The following FBN2 variants were observed in gnomAD, a reference collection of about 807,000 sequenced individuals.
FBN2 encodes fibrillin-2.
FBN2 carries 105 observed loss-of-function variants against 355.6 expected under a neutral mutation model. That is an observed-to-expected ratio of 0.30 (90% CI 0.25 to 0.35). FBN2 has a LOEUF of 0.35. FBN2 is among the 10% of genes least tolerant of loss of function. The pLI is 1.00. For missense variants in FBN2, 3,280 were observed against 3,758.7 expected, an observed-to-expected ratio of 0.87 and a Z score of 3.33; for synonymous variants, 1,350 against 1,301.2, an observed-to-expected ratio of 1.04 and a Z score of -0.81.
intron 8 of FBN2, among the ~76,000 whole-genome samples, chr5:128,396,152 TG>T (rs1411598493): frequency 2.0e-5 from 3 of 151,962 alleles, no homozygotes; most frequent in Non-Finnish European, 4.4e-5. Context: ...CTTGCTTGGG[TG>T]TGGGGTATGG....
intron 15 of FBN2, among the ~76,000 whole-genome samples, chr5:128,373,304 G>A (rs1751995433): frequency 6.6e-6 from 1 of 152,162 alleles, no homozygotes; most frequent in Non-Finnish European, 1.5e-5. Flanking sequence ...TAAAGCAACT[G>A]AAAATATTTT....
At chr5:128,389,667 C>T (rs368945264) in intron 11 of FBN2, among the ~76,000 whole-genome samples, 2 of 152,176 alleles carry the variant, frequency 1.3e-5, no homozygotes, top group South Asian at 4.1e-4. Flanking sequence ...CCTGTCCCTG[C>T]CCCCTATCCA....
chr5:128,287,457 G>A (rs1158271345), intron 53 of FBN2, 27 bp from the exon 54 acceptor site: 4 of 1,612,808 alleles, frequency 2.5e-6, no homozygotes, highest in Non-Finnish European at 3.4e-6. Flanking sequence ...ACAGGAATGT[G>A]CTCAGCCTAG....
intron 5 of FBN2, among the ~76,000 whole-genome samples, chr5:128,494,005 G>A (rs986467685): frequency 1.6e-5 from 2 of 124,238 alleles, no homozygotes; most frequent in East Asian, 2.0e-4. Context: ...AGGTTTCTGC[G>A]AGACAGAGAG....
At chr5:128,260,442 T>C (rs2126792626) in intron 64 of FBN2, among the ~76,000 whole-genome samples, 1 of 152,338 alleles carries the variant, frequency 6.6e-6, no homozygotes, top group Non-Finnish European at 1.5e-5. Flanking sequence ...GTCTGACTTT[T>C]GCTCAGAGGG....
intron 6 of FBN2, among the ~76,000 whole-genome samples, chr5:128,456,083 G>A (rs1236882291): frequency 1.4e-5 from 2 of 140,198 alleles, no homozygotes; most frequent in Non-Finnish European, 3.0e-5. Flanking sequence ...CATTTCTATA[G>A]CTCCCGGCTG....
chr5:128,305,673 T>A (rs1490866483), intron 43 of FBN2, 37 bp from the exon 44 acceptor site: 3 of 1,612,166 alleles, frequency 1.9e-6, no homozygotes, highest in Non-Finnish European at 2.5e-6. Flanking sequence ...AGAGTCCTTT[T>A]TAGTATTGTA....
intron 7 of FBN2, among the ~76,000 whole-genome samples, chr5:128,433,698 T>C (rs548067386): frequency 5.3e-5 from 8 of 152,302 alleles, no homozygotes; most frequent in Non-Finnish European, 7.4e-5. Context: ...AGCTGTTGGT[T>C]AATAATGCCC....
At position 128,318,219 on chromosome 5, in the gene FBN2, G is replaced by A. The variant is rs146662880; in HGVS notation, c.4647C>T (p.Asn1549=). The A allele has an allele frequency of 8.6e-4, 1,394 of 1,613,980 alleles. 2 individuals carry two copies. Among genetic ancestry groups the A allele is most frequent in the Non-Finnish European group, 9.1e-4 (1,071 of 1,179,866 alleles). Residue 1549 remains asparagine (N), a synonymous_variant, in exon 36 of 65, where the codon AAC becomes AAT. Coordinates refer to ENST00000262464, the MANE Select transcript of FBN2 (RefSeq NM_001999.4). ...PINCVNGLCV[N]TPGRYECNCP... is the part of the protein sequence containing the mutation. ...AGTTACACTCATAGCGACCAGGCGTGTTGACACATAGGCCATTGACACAGT... is the reference window on the plus strand; with the variant it reads ...AGTTACACTCATAGCGACCAGGCGTATTGACACATAGGCCATTGACACAGT...
intron 58 of FBN2, 91 bp downstream of exon 58, chr5:128,277,789 A>C: frequency 7.4e-7 from 1 of 1,359,206 alleles, no homozygotes; most frequent in Non-Finnish European, 1.1e-6. Context: ...AAAGCTCCAT[A>C]ATAAAGACAC....
intron 5 of FBN2, among the ~76,000 whole-genome samples, chr5:128,466,180 T>A (rs879431320): frequency 4.6e-5 from 7 of 152,244 alleles, no homozygotes; most frequent in Non-Finnish European, 7.3e-5. Flanking sequence ...GATTCACCAA[T>A]TCAATTATTC....
Position 128,536,431 on chromosome 5 carries a change from G to C in FBN2, c.308C>G (p.Thr103Arg). 6.2e-7 allele frequency: 1 copy of C among 1,614,056 alleles called. No individual in the cohort carries two copies. The highest frequency in any genetic ancestry group is 8.5e-7 in the Non-Finnish European group (1 of 1,179,978). The change falls in exon 2 of 65, where the codon ACG becomes AGG. Residue 103 changes from threonine to arginine, a missense_variant. Transcript: ENST00000262464. ...AATGCACTGGTTTCCTCCAGGGAGC[G>C]TCTTCCATCCAGGGCAGCAGTAGGA... ...FHSYCCPGWK[T>R]LPGGNQCIVP...
At chr5:128,503,190 A>C (rs888529863) in intron 5 of FBN2, among the ~76,000 whole-genome samples, 2 of 152,196 alleles carry the variant, frequency 1.3e-5, no homozygotes, top group Non-Finnish European at 2.9e-5. Flanking sequence ...GTAAGACATG[A>C]CTTTGATCCT....
rs140821039 is a variant in FBN2 at position 128,288,540 on chromosome 5, T to A, written c.6655A>T (p.Ile2219Phe). ...VRCVDTDECS[I>F]GNPCGNGTCT... ...GTACCATTTCCACACGGATTGCCGATTGAACACTCATCAGTATCTGAAAAA... is the reference window on the plus strand; with the variant it reads ...GTACCATTTCCACACGGATTGCCGAATGAACACTCATCAGTATCTGAAAAA... The change falls in exon 53 of 65, where the codon ATC becomes TTC. Residue 2219 changes from isoleucine (I) to phenylalanine (F), a missense_variant. Coordinates refer to ENST00000262464, the MANE Select transcript of FBN2 (RefSeq NM_001999.4). 6.2e-7 allele frequency: 1 copy of A among 1,613,786 alleles called. No individual in the cohort carries two copies. The highest frequency in any genetic ancestry group is 1.3e-5 in the African/African-American group (1 of 74,920).
In FBN2 at chr5:128,338,019, T is replaced by C; in HGVS notation, c.3576A>G (p.Ser1192=). The change falls in exon 27 of 65, where the codon TCA becomes TCG. Residue 1192 remains serine (S), a synonymous_variant. Coordinates refer to ENST00000262464, the MANE Select transcript of FBN2 (RefSeq NM_001999.4). ...CACCCACACAGTCCTCACGGGATGGTGACAGCTCGTGTCCCAGTGGGCAGT... is the reference window on the plus strand; with the variant it reads ...CACCCACACAGTCCTCACGGGATGGCGACAGCTCGTGTCCCAGTGGGCAGT... ...QCDCPLGHEL[S]PSREDCVDIN... 1.2e-6 allele frequency: 2 copies of C among 1,614,128 alleles called. No homozygotes were observed. Among genetic ancestry groups the C allele is most frequent in the South Asian group, 2.2e-5 (2 of 91,076 alleles).
intron 3 of FBN2, among the ~76,000 whole-genome samples, chr5:128,530,357 C>T (rs1004218188): frequency 2.0e-5 from 3 of 152,176 alleles, no homozygotes; most frequent in African/African-American, 7.2e-5. Flanking sequence ...TGAGACTATA[C>T]ACTTAGGCAT....
intron 55 of FBN2, among the ~76,000 whole-genome samples, chr5:128,285,117 T>C (rs986494314): frequency 2.0e-5 from 3 of 152,206 alleles, no homozygotes; most frequent in African/African-American, 7.2e-5. Flanking sequence ...TTTATGGTTT[T>C]CATTAAAGAG....
intron 55 of FBN2, among the ~76,000 whole-genome samples, chr5:128,284,620 T>A (rs962418363): frequency 1.3e-5 from 2 of 152,174 alleles, no homozygotes; most frequent in African/African-American, 4.8e-5. Context: ...TGTATGAACA[T>A]CCTCTCACCA....
intron 14 of FBN2, among the ~76,000 whole-genome samples, chr5:128,376,521 C>A (rs1046723421): frequency 3.9e-5 from 6 of 152,100 alleles, no homozygotes; most frequent in Non-Finnish European, 7.3e-5. Flanking sequence ...TTTTCCTATA[C>A]CATTATTATT....
Sources: allele counts gnomAD v4.1 joint callset (sites outside exome capture counted in the v4.1 genomes callset), GRCh38; gene constraint gnomAD v4.1.1; transcripts MANE v1.5; gene names NCBI Gene and HGNC (gene_info 2026-07-23, HGNC 2026-07-21).